Variants in MAOB observed in about 807,000 individuals in gnomAD.
MAOB encodes amine oxidase [flavin-containing] B.
In MAOB, 15 loss-of-function variants were observed where a neutral mutation model predicts 41.9. The ratio of observed to expected loss-of-function variants is 0.36; its 90% CI spans 0.24 to 0.55. The LOEUF is 0.55. MAOB is among the 20% of genes least tolerant of loss of function. The pLI, the probability that MAOB is intolerant of heterozygous loss-of-function variation, is 0.86. For missense variants in MAOB, 345 were observed against 398.7 expected, an observed-to-expected ratio of 0.87 and a Z score of 1.15; for synonymous variants, 167 against 144.2, an observed-to-expected ratio of 1.16 and a Z score of -1.13.
At chrX:43,859,644 T>A (rs1224116990) in intron 1 of MAOB, among the ~76,000 whole-genome samples, 1 of 111,648 alleles carries the variant, frequency 9.0e-6, no homozygotes, top group Non-Finnish European at 1.9e-5. Flanking sequence ...GTTATTTCTT[T>A]AAGGAAGCCA....
chrX:43,837,036 A>T (rs1035267482), intron 3 of MAOB, among the ~76,000 whole-genome samples: 1 of 112,383 alleles, frequency 8.9e-6, no homozygotes, highest in Non-Finnish European at 1.9e-5. Context: ...CATCCTGGAC[A>T]TAGCTCTGAG....
At chrX:43,811,022 A>T (rs2034739992) in intron 3 of MAOB, among the ~76,000 whole-genome samples, 2 of 112,086 alleles carry the variant, frequency 1.8e-5, no homozygotes, top group East Asian at 5.6e-4. Flanking sequence ...TTTAAAGCAG[A>T]CTTTCTGAAA....
At chrX:43,831,034 T>A (rs1184216150) in intron 3 of MAOB, among the ~76,000 whole-genome samples, 4 of 101,116 alleles carry the variant, frequency 4.0e-5, no homozygotes, top group African/African-American at 1.1e-4. Flanking sequence ...TGTGTGTGTA[T>A]GTGTCAGACA....
rs751398904 is a variant in MAOB, at chrX:43,793,963, C to T, written c.769-385G>A. Among the ~76,000 whole-genome samples the T allele has an allele frequency of 3.6e-5, 4 of 111,942 alleles. No individual in the cohort carries two copies. The East Asian group carries it at 1.1e-3, about 32-fold the overall frequency. On this transcript the variant is annotated intron_variant, in intron 7 of 14. Transcript: ENST00000378069. Reference sequence around the variant, plus strand: ...CGATCTTGGCTCACTGCAACCTCCACGTGCCCAGGTTCAAGCGATTCTCCT... The same window carrying T: ...CGATCTTGGCTCACTGCAACCTCCATGTGCCCAGGTTCAAGCGATTCTCCT...
At chrX:43,859,709 A>G (rs1045165187) in intron 1 of MAOB, among the ~76,000 whole-genome samples, 1 of 111,866 alleles carries the variant, frequency 8.9e-6, no homozygotes, top group Non-Finnish European at 1.9e-5. Flanking sequence ...TCCTCTAATC[A>G]TATATTTTCT....
At chrX:43,849,395 A>C (rs936695064) in intron 1 of MAOB, among the ~76,000 whole-genome samples, 11 of 112,411 alleles carry the variant, frequency 9.8e-5, no homozygotes, top group Non-Finnish European at 2.1e-4. Flanking sequence ...AAACATTGCA[A>C]ATCTTCCCTT....
intron 11 of MAOB, among the ~76,000 whole-genome samples, chrX:43,775,892 C>T (rs909536879): frequency 4.4e-5 from 5 of 112,460 alleles, no homozygotes; most frequent in Non-Finnish European, 7.5e-5. Context: ...TATCATTAAG[C>T]ATTACTTCGA....
chrX:43,881,084 C>T (rs921965963), intron 1 of MAOB, among the ~76,000 whole-genome samples: 1 of 113,231 alleles, frequency 8.8e-6, no homozygotes, highest in Non-Finnish European at 1.9e-5. Context: ...CTGGCATGGG[C>T]GAGCTCACCA....
chrX:43,814,648 C>T (rs759622236), intron 3 of MAOB, among the ~76,000 whole-genome samples: 29 of 111,838 alleles, frequency 2.6e-4, no homozygotes, highest in African/African-American at 8.1e-4. Context: ...TGTATCATCC[C>T]ATAATGCTTA....
At chrX:43,778,810 A>C in intron 10 of MAOB, 71 bp from the exon 11 acceptor site, 1 of 783,153 alleles carries the variant, frequency 1.3e-6, no homozygotes, top group Non-Finnish European at 1.9e-6. Context: ...GGAAAGAGGC[A>C]TTTATCCCCT....
chrX:43,849,558 G>A (rs953724332), intron 1 of MAOB, among the ~76,000 whole-genome samples: 6 of 112,784 alleles, frequency 5.3e-5, no homozygotes, highest in African/African-American at 1.9e-4. Flanking sequence ...GCATGCAAAC[G>A]GCTTGGCTGG....
chrX:43,856,733 A>G (rs1255980173), intron 1 of MAOB, among the ~76,000 whole-genome samples: 1 of 110,359 alleles, frequency 9.1e-6, no homozygotes, highest in Non-Finnish European at 1.9e-5. Flanking sequence ...TTTACTATTC[A>G]TTAAGTGGAA....
chrX:43,874,223 G>A (rs1411152886), intron 1 of MAOB, among the ~76,000 whole-genome samples: 1 of 111,918 alleles, frequency 8.9e-6, no homozygotes, highest in Non-Finnish European at 1.9e-5. Flanking sequence ...TTTATGGAGT[G>A]CCTACAACTT....
intron 1 of MAOB, among the ~76,000 whole-genome samples, chrX:43,866,783 G>T (rs192820302): frequency 1.8e-5 from 2 of 112,445 alleles, no homozygotes; most frequent in East Asian, 5.6e-4. Flanking sequence ...CCGAATGATG[G>T]GACACAAATG....
chrX:43,826,105 G>A (rs6609260), intron 3 of MAOB, among the ~76,000 whole-genome samples: 1,568 of 112,136 alleles, frequency 0.014, 34 homozygotes, highest in African/African-American at 0.048. Context: ...CTCCACAAGA[G>A]CAGGGATTTT....
In MAOB at chrX:43,811,758, T is replaced by C. The variant is rs751835714; in HGVS notation, c.280-8354A>G. ...TGGGGTACATGAGATGTTTTGATGA[T>C]ACAGGCATGCAATGTGTAATAATCA... On this transcript the variant is annotated intron_variant, in intron 3 of 14. Transcript: ENST00000378069. Among the ~76,000 whole-genome samples the C allele has an allele frequency of 2.7e-5, 3 of 111,656 alleles. No individual in the cohort carries two copies. The South Asian group carries it at 1.1e-3, about 43-fold the overall frequency.
intron 3 of MAOB, among the ~76,000 whole-genome samples, chrX:43,808,930 C>T (rs976755314): frequency 6.3e-5 from 7 of 110,790 alleles, no homozygotes; most frequent in East Asian, 2.8e-4. Flanking sequence ...GTCTTGAACT[C>T]CCGACCTCAA....
chrX:43,835,235 A>G (rs1278403788), intron 3 of MAOB, among the ~76,000 whole-genome samples: 1 of 112,467 alleles, frequency 8.9e-6, no homozygotes, highest in African/African-American at 3.2e-5. Flanking sequence ...CTTTTTAATT[A>G]TGAAATATTC....
At chrX:43,816,090 T>G (rs746131082) in intron 3 of MAOB, among the ~76,000 whole-genome samples, 176 of 111,561 alleles carry the variant, frequency 1.6e-3, no homozygotes, top group African/African-American at 5.5e-3. Flanking sequence ...AGCAAAAATT[T>G]AGAAAAGCAG....
Sources: gnomAD v4.1 joint callset for allele counts (sites outside exome capture counted in the v4.1 genomes callset) on GRCh38, gnomAD v4.1.1 for gene constraint, MANE v1.5 for transcripts, NCBI Gene and HGNC (gene_info 2026-07-23, HGNC 2026-07-21) for gene names.